The following NTM variants were observed in gnomAD, a reference collection of about 807,000 sequenced individuals.
The protein encoded by NTM is neurotrimin, also known as IgLON family member 2.
In NTM, 13 loss-of-function variants were observed where a neutral mutation model predicts 42.1. The observed-to-expected ratio is 0.31, with a 90% CI of 0.20 to 0.49. NTM has a LOEUF of 0.49. Among genes scored for constraint, NTM ranks in the 20% least tolerant of loss-of-function variants. The pLI, the probability that NTM is intolerant of heterozygous loss-of-function variation, is 0.99. For missense variants in NTM, 373 were observed against 452.8 expected (o/e 0.82, Z 1.60); for synonymous variants, 187 against 179.2 (o/e 1.04, Z -0.35).
chr11:132,107,136 G>C (rs1282553598), intron 2 of NTM, among the ~76,000 whole-genome samples: 1 of 152,070 alleles, frequency 6.6e-6, no homozygotes, highest in East Asian at 1.9e-4. Context: ...CCGTTCTCAT[G>C]GATGTTACCC....
At chr11:131,512,887 T>G (rs1591890735) in intron 1 of NTM, among the ~76,000 whole-genome samples, 1 of 152,104 alleles carries the variant, frequency 6.6e-6, no homozygotes, top group East Asian at 1.9e-4. Context: ...CAAAGTTGCT[T>G]CTGCAAAGTT....
chr11:131,392,929 G>A (rs1488953341), intron 1 of NTM, among the ~76,000 whole-genome samples: 1 of 152,176 alleles, frequency 6.6e-6, no homozygotes, highest in African/African-American at 2.4e-5. Context: ...GGCTTCACCT[G>A]CTTTAATGTA....
At position 132,299,167 on chromosome 11, in the gene NTM, C is replaced by T. The variant is rs191784008; in HGVS notation, c.527-8522C>T. Reference sequence around the variant, plus strand: ...AAAATTAGCTGGGCGTGGTGGCAGGCGCCTGTAGTCCCAGCTACTCAGGAG... The same window carrying T: ...AAAATTAGCTGGGCGTGGTGGCAGGTGCCTGTAGTCCCAGCTACTCAGGAG... On this transcript the variant is annotated intron_variant, in intron 4 of 8. Transcript: ENST00000683400. Among the ~76,000 whole-genome samples the T allele has an allele frequency of 7.4e-4, 113 of 152,054 alleles. 1 individual carries two copies. The East Asian group carries it at 0.015, about 21-fold the overall frequency.
At chr11:131,997,520 C>G (rs1022972569) in intron 2 of NTM, among the ~76,000 whole-genome samples, 1 of 152,128 alleles carries the variant, frequency 6.6e-6, no homozygotes, top group Admixed American at 6.6e-5. Context: ...GGTGAGCATG[C>G]GGGCAGTGGG....
chr11:132,175,279 C>G (rs2076638932), intron 3 of NTM, among the ~76,000 whole-genome samples: 1 of 152,022 alleles, frequency 6.6e-6, no homozygotes, highest in South Asian at 2.1e-4. Flanking sequence ...CCATCCTTCC[C>G]AGCTCTTGTC....
At chr11:131,441,634 T>C (rs1251942415) in intron 1 of NTM, among the ~76,000 whole-genome samples, 1 of 152,230 alleles carries the variant, frequency 6.6e-6, no homozygotes, top group Admixed American at 6.5e-5. Context: ...TCGTGTCAGG[T>C]ATTATATTCC....
intron 1 of NTM, among the ~76,000 whole-genome samples, chr11:131,807,113 A>G (rs2092535299): frequency 6.6e-6 from 1 of 152,324 alleles, no homozygotes; most frequent in African/African-American, 2.4e-5. Flanking sequence ...AAGGAAAAGT[A>G]CAGAGCACAA....
chr11:131,796,249 C>G lies in NTM; in HGVS notation c.83-115315C>G, dbSNP rs73595140. 0.019 allele frequency: 15,882 copies of G among 828,622 alleles called. 2,090 individuals carry two copies. In the African/African-American group the frequency reaches 0.27, roughly 14 times the overall value. 51.3% of individuals were successfully genotyped at this position (828,622 alleles called of 1,614,324 possible). On this transcript the variant is annotated intron_variant, in intron 1 of 8. Coordinates refer to ENST00000683400, the MANE Select transcript of NTM (RefSeq NM_001352005.2). ...CTGTGGAAGAGGCCATGCACAGGTG[C>G]GGCCCAGCCCTCTCAGGAGTAGAGG...
intron 1 of NTM, among the ~76,000 whole-genome samples, chr11:131,836,114 G>T: frequency 6.6e-6 from 1 of 152,274 alleles, no homozygotes; most frequent in South Asian, 2.1e-4. Context: ...TTTAACTGCT[G>T]GTAGTAATGC....
At chr11:132,228,892 T>A (rs2086872669) in intron 4 of NTM, among the ~76,000 whole-genome samples, 1 of 152,174 alleles carries the variant, frequency 6.6e-6, no homozygotes, top group Non-Finnish European at 1.5e-5. Context: ...GACCTCTTGA[T>A]GGGAGCCCCA....
chr11:131,977,616 T>C (rs1002434520), intron 2 of NTM, among the ~76,000 whole-genome samples: 5 of 152,234 alleles, frequency 3.3e-5, no homozygotes, highest in Non-Finnish European at 7.3e-5. Context: ...ACATTTCATT[T>C]GTGTGACATG....
At chr11:132,334,573 G>A (rs2095853908) in intron 8 of NTM, among the ~76,000 whole-genome samples, 1 of 152,188 alleles carries the variant, frequency 6.6e-6, no homozygotes, top group Admixed American at 6.5e-5. Context: ...CAGACACATT[G>A]TTTTGTCCAA....
intron 3 of NTM, among the ~76,000 whole-genome samples, chr11:132,202,590 T>C (rs1215139696): frequency 6.6e-6 from 1 of 152,194 alleles, no homozygotes; most frequent in Non-Finnish European, 1.5e-5. Context: ...AGTAATTTCT[T>C]AGATGTGACC....
intron 3 of NTM, among the ~76,000 whole-genome samples, chr11:132,186,881 G>A (rs1383077369): frequency 6.6e-6 from 1 of 152,190 alleles, no homozygotes; most frequent in Non-Finnish European, 1.5e-5. Context: ...TGGGGATCCG[G>A]ATGATTTCCT....
intron 1 of NTM, among the ~76,000 whole-genome samples, chr11:131,803,644 G>A (rs191235057): frequency 6.6e-6 from 1 of 152,314 alleles, no homozygotes; most frequent in Non-Finnish European, 1.5e-5. Context: ...TAAACTGGCT[G>A]AATCTCAAGC....
At chr11:132,269,609 A>G (rs1397842351) in intron 4 of NTM, among the ~76,000 whole-genome samples, 5 of 152,228 alleles carry the variant, frequency 3.3e-5, no homozygotes, top group Non-Finnish European at 2.9e-5. Flanking sequence ...TGCATCACCC[A>G]TAAATGCTAC....
intron 2 of NTM, among the ~76,000 whole-genome samples, chr11:132,134,753 A>T (rs57347962): frequency 2.0e-5 from 2 of 97,864 alleles, no homozygotes; most frequent in Non-Finnish European, 4.2e-5. Context: ...ATATATATAT[A>T]TATATATCTC....
chr11:131,813,417 C>T (rs60898165), intron 1 of NTM, among the ~76,000 whole-genome samples: 20,979 of 152,094 alleles, frequency 0.14, 2,336 homozygotes, highest in African/African-American at 0.31. Context: ...ATGAGGAAGA[C>T]ACATATGCAG....
chr11:132,105,527 G>A (rs1252494827), intron 2 of NTM, among the ~76,000 whole-genome samples: 2 of 152,112 alleles, frequency 1.3e-5, no homozygotes, highest in African/African-American at 4.8e-5. Context: ...AGGAACCAGA[G>A]GAAGACCACG....
Sources: allele counts gnomAD v4.1 joint callset (sites outside exome capture counted in the v4.1 genomes callset), GRCh38; gene constraint gnomAD v4.1.1; transcripts MANE v1.5; gene names NCBI Gene and HGNC (gene_info 2026-07-23, HGNC 2026-07-21).